Variants in POU6F1 observed in about 807,000 individuals in gnomAD.
POU6F1 encodes POU domain, class 6, transcription factor 1.
POU6F1 carries 9 observed loss-of-function variants against 28.9 expected under a neutral mutation model. The observed-to-expected ratio is 0.31, with a 90% confidence interval of 0.19 to 0.54. The LOEUF (loss-of-function observed/expected upper bound fraction) is 0.54. Ranked by LOEUF, POU6F1 falls within the 20% of genes least tolerant of loss-of-function variation. The probability of loss-of-function intolerance (pLI) is 0.94; values close to 1 mark genes in which losing one functional copy is unlikely to be tolerated. For missense variants in POU6F1, 338 were observed against 426.1 expected (o/e 0.79, Z 1.82); for synonymous variants, 173 against 171.1 (o/e 1.01, Z -0.09).
intron 8 of POU6F1, among the ~76,000 whole-genome samples, chr12:51,193,468 G>A (rs1481760325): frequency 6.6e-6 from 1 of 152,072 alleles, no homozygotes; most frequent in Admixed American, 6.6e-5. Flanking sequence ...CCCGGCTACT[G>A]GGGAGGCTGA....
Position 51,192,365 on chromosome 12 carries a change from C to A in POU6F1, c.1286G>T (p.Cys429Phe). Reference protein sequence around the residue: ...PSASAPIPITCSETPTVSQLV... With the variant: ...PSASAPIPITFSETPTVSQLV... ...CTGGCTGACGGTGGGGGTCTCTGAG[C>A]AGGTAATTGGGATAGGAGCAGAGGC... Residue 429 changes from cysteine (C) to phenylalanine (F), a missense_variant, in exon 9 of 11, where the codon TGC becomes TTC. Transcript: ENST00000333640. The A allele has an allele frequency of 6.2e-7, 1 of 1,614,110 alleles. No homozygotes were observed. Among genetic ancestry groups the A allele is most frequent in the Non-Finnish European group, 8.5e-7 (1 of 1,180,014 alleles).
chr12:51,215,514 C>T (rs545490737), intron 1 of POU6F1, among the ~76,000 whole-genome samples: 316 of 145,864 alleles, frequency 2.2e-3, no homozygotes, highest in Non-Finnish European at 3.9e-3. Context: ...CAAGATCGCG[C>T]CACTGCACTC....
rs138082828 is a variant in POU6F1, at chr12:51,214,655, G to C, written c.-48+2987C>G. Among the ~76,000 whole-genome samples the C allele has an allele frequency of 7.2e-5, 11 of 152,234 alleles. No homozygotes were observed. In the East Asian group the frequency reaches 2.1e-3, roughly 29 times the overall value. On this transcript the variant is annotated intron_variant, in intron 1 of 10. Transcript: ENST00000333640. Reference sequence around the variant, plus strand: ...AGGTGACCAAATAAATAGGAGAGTAGAGTCAAGGGTAGTAGCTCACACCTG... The same window carrying C: ...AGGTGACCAAATAAATAGGAGAGTACAGTCAAGGGTAGTAGCTCACACCTG...
chr12:51,214,446 G>T (rs1203768541), intron 1 of POU6F1, among the ~76,000 whole-genome samples: 1 of 152,096 alleles, frequency 6.6e-6, no homozygotes, highest in Non-Finnish European at 1.5e-5. Context: ...TGGGGGTAAG[G>T]CTGATGGGGA....
chr12:51,211,190 G>A (rs942091935), intron 1 of POU6F1, among the ~76,000 whole-genome samples: 2 of 152,234 alleles, frequency 1.3e-5, no homozygotes, highest in Non-Finnish European at 2.9e-5. Flanking sequence ...GGCCAGGGAG[G>A]AGAGACAATC....
At chr12:51,213,094 A>G (rs1231437854) in intron 1 of POU6F1, among the ~76,000 whole-genome samples, 1 of 151,908 alleles carries the variant, frequency 6.6e-6, no homozygotes, top group South Asian at 2.1e-4. Context: ...GCATCACCGC[A>G]CCAGGCTGAT....
intron 5 of POU6F1, 42 bp downstream of exon 5, chr12:51,198,508 G>A (rs1943000568): frequency 2.5e-6 from 1 of 398,830 alleles, no homozygotes; most frequent in Admixed American, 4.4e-5. Flanking sequence ...GTGTAGTAGA[G>A]GGTGGGGGGC....
rs1433968770 is a variant in POU6F1 at position 51,199,710 on chromosome 12, C to G, written c.366+37G>C. The G allele has an allele frequency of 2.5e-6, 1 of 399,086 alleles. No homozygotes were observed. The highest frequency in any genetic ancestry group is 4.4e-6 in the Non-Finnish European group (1 of 226,224). The allele number at this position is 399,086 out of a possible 1,614,324, so 24.7% of individuals were successfully genotyped here. A position where few individuals can be genotyped will look rare whatever the true frequency, so the allele number is the denominator to read the frequency against. ...GGCTGTCCCATGCCTCGCTCCTGCC[C>G]CCGGCCTTCTGTCCAGCTCCCGAGG... is the stretch of plus-strand genomic sequence containing the variant. On this transcript the variant is annotated intron_variant, in intron 4 of 10. Transcript: ENST00000333640. The surrounding 1 kb of genome is among the most constrained non-coding windows in gnomAD (Gnocchi z 4.1).
intron 1 of POU6F1, among the ~76,000 whole-genome samples, chr12:51,216,310 TTC>T (rs1944283525): frequency 6.6e-6 from 1 of 152,242 alleles, no homozygotes; most frequent in Non-Finnish European, 1.5e-5. Context: ...AGCAAATTTT[TTC>T]TGAGTCACTT....
rs546476996 is a variant in POU6F1, at chr12:51,189,761, G to A, written c.*486C>T. On this transcript the variant is annotated 3_prime_UTR_variant, in exon 11 of 11. Transcript: ENST00000333640. Reference sequence around the variant, plus strand: ...CACCTGCAGGCAAAGTGTGGGGGGCGGAAGGGCAGTGTGAGGCTGTGTTTC... The same window carrying A: ...CACCTGCAGGCAAAGTGTGGGGGGCAGAAGGGCAGTGTGAGGCTGTGTTTC... 1.2e-5 allele frequency: 2 copies of A among 166,188 alleles called. No homozygotes were observed. Among genetic ancestry groups the A allele is most frequent in the Admixed American group, 5.6e-5 (1 of 17,952 alleles). The allele number at this position is 166,188 out of a possible 1,614,324, so 10.3% of individuals were successfully genotyped here.
chr12:51,212,062 GT>G lies in POU6F1; in HGVS notation c.-47-5180del, dbSNP rs747221114. ...GAAATCCTGAAATGCCTTGCCTTTC[GT>G]TTTTTTTTTTGTTTTTTTTGTTTTG... On this transcript the variant is annotated intron_variant, in intron 1 of 10. Coordinates refer to ENST00000333640, the MANE Select transcript of POU6F1 (RefSeq NM_001330422.2). 7.2e-3 allele frequency among the ~76,000 whole-genome samples: 1,004 copies of G among 138,582 alleles called. 11 individuals carry two copies. The highest frequency in any genetic ancestry group is 0.024 in the African/African-American group (940 of 39,712). The allele number at this position is 138,582 out of a possible 152,430, so 90.9% of individuals were successfully genotyped here.
chr12:51,196,952 T>G, intron 6 of POU6F1, 25 bp from the exon 7 acceptor site: 1 of 1,447,888 alleles, frequency 6.9e-7, no homozygotes, highest in Admixed American at 1.8e-5. Context: ...AGAGCCTTGC[T>G]CAGAAGCCAA....
chr12:51,191,750 T>C lies in POU6F1; in HGVS notation c.1336A>G (p.Ser446Gly). Residue 446 changes from serine (S) to glycine (G), a missense_variant, in exon 10 of 11, where the codon AGT becomes GGT. Physicochemically the swap from Ser to Gly is moderately conservative, Grantham distance 56 (BLOSUM62 0). Coordinates refer to ENST00000333640, the MANE Select transcript of POU6F1 (RefSeq NM_001330422.2). Reference sequence around the variant, plus strand: ...AAGTTGATCCCATCCTCATCCAGACTTGGAGTATGTGGCTCTAGGCCAGAG... The same window carrying C: ...AAGTTGATCCCATCCTCATCCAGACCTGGAGTATGTGGCTCTAGGCCAGAG... Reference protein sequence around the residue: ...SQLVSKPHTPSLDEDGINLEE... With the variant: ...SQLVSKPHTPGLDEDGINLEE... The C allele has an allele frequency of 6.2e-7, 1 of 1,614,182 alleles. No homozygotes were observed. The highest frequency in any genetic ancestry group is 1.1e-5 in the South Asian group (1 of 91,084).
chr12:51,192,365 C>T lies in POU6F1; in HGVS notation c.1286G>A (p.Cys429Tyr). 6.2e-7 allele frequency: 1 copy of T among 1,614,110 alleles called. No individual in the cohort carries two copies. The highest frequency in any genetic ancestry group is 1.1e-5 in the South Asian group (1 of 91,088). The change falls in exon 9 of 11, where the codon TGC becomes TAC. Residue 429 changes from cysteine to tyrosine, a missense_variant. By Grantham distance (194) the Cys-to-Tyr change is radical. Around this residue, in one of 3 missense-constraint regions of POU6F1, gnomAD observed 206 missense variants for 225.6 expected, o/e 0.91. Transcript: ENST00000333640. The stretch of plus-strand genomic sequence containing the variant: ...CTGGCTGACGGTGGGGGTCTCTGAG[C>T]AGGTAATTGGGATAGGAGCAGAGGC... Reference protein sequence around the residue: ...PSASAPIPITCSETPTVSQLV... With the variant: ...PSASAPIPITYSETPTVSQLV...
At chr12:51,195,927 T>A in intron 8 of POU6F1, 43 bp downstream of exon 8, 1 of 1,495,570 alleles carries the variant, frequency 6.7e-7, no homozygotes, top group Non-Finnish European at 9.0e-7. Context: ...CGGTGCCAGA[T>A]AGCAGAGCCT....
chr12:51,206,874 C>G lies in POU6F1; in HGVS notation c.-38G>C, dbSNP rs1264443544. ...GGGTCGGGTGGGGGCCGGCCCACAC[C>G]TAGCACATCCTGGGTAAGATGGGAT... On this transcript the variant is annotated 5_prime_UTR_variant, in exon 2 of 11. An upstream open reading frame in the 5' UTR loses its in-frame stop. Coordinates refer to ENST00000333640, the MANE Select transcript of POU6F1 (RefSeq NM_001330422.2). 5 of 398,676 alleles carry G rather than the reference C, an allele frequency of 1.3e-5. No individual in the cohort carries two copies. Among genetic ancestry groups the G allele is most frequent in the African/African-American group, 2.1e-5 (1 of 48,534 alleles). The allele number at this position is 398,676 out of a possible 1,614,324, so 24.7% of individuals were successfully genotyped here.
intron 5 of POU6F1, 153 bp from the exon 6 acceptor site, chr12:51,198,176 T>C (rs1336511232): frequency 5.0e-6 from 2 of 397,752 alleles, no homozygotes; most frequent in Non-Finnish European, 8.8e-6. Flanking sequence ...CTTGAAGGGC[T>C]GGCGCACGCC....
chr12:51,213,125 CGGG>C (rs1239210397), intron 1 of POU6F1, among the ~76,000 whole-genome samples: 1 of 152,018 alleles, frequency 6.6e-6, no homozygotes, highest in Non-Finnish European at 1.5e-5. Context: ...TTAGTAGAGA[CGGG>C]GTTTCACCAT....
chr12:51,206,296 G>A (rs1175387733), intron 2 of POU6F1, among the ~76,000 whole-genome samples: 4 of 151,026 alleles, frequency 2.6e-5, no homozygotes, highest in Non-Finnish European at 5.9e-5. Context: ...GGTGGTGGGT[G>A]CCTGTAGTCC....
Sources: allele counts gnomAD v4.1 joint callset (sites outside exome capture counted in the v4.1 genomes callset), GRCh38; gene constraint gnomAD v4.1.1; regional missense constraint gnomAD v4.1.1; non-coding constraint Gnocchi (gnomAD v3.1); transcripts MANE v1.5; gene names NCBI Gene and HGNC (gene_info 2026-07-23, HGNC 2026-07-21).